Variants in DZIP1 observed in about 807,000 individuals in gnomAD.
DZIP1 encodes DAZ interacting zinc finger protein 1, also known as cilium assembly protein DZIP1.
A neutral mutation model predicts 107.6 loss-of-function variants in DZIP1; 97 were observed. The ratio of observed to expected loss-of-function variants is 0.90; its 90% CI spans 0.77 to 1.07. The LOEUF (loss-of-function observed/expected upper bound fraction) is 1.07. DZIP1 is among the 50% of genes least tolerant of loss of function. The pLI is 0.00. For missense variants in DZIP1, 1,035 were observed against 1,063.6 expected (o/e 0.97, Z 0.37); for synonymous variants, 390 against 386.4 (o/e 1.01, Z -0.11).
At chr13:95,643,494 T>C (rs1292140433) in intron 2 of DZIP1, 107 bp downstream of exon 2, 1 of 152,560 alleles carries the variant, frequency 6.6e-6, no homozygotes, top group Non-Finnish European at 1.5e-5. Flanking sequence ...AAGACATAAA[T>C]AGTTTCAAAG....
chr13:95,621,365 G>A (rs1310893181), intron 9 of DZIP1, among the ~76,000 whole-genome samples: 1 of 152,184 alleles, frequency 6.6e-6, no homozygotes, highest in African/African-American at 2.4e-5. Flanking sequence ...CCGGAATAAG[G>A]GTCACTGAAG....
At chr13:95,602,513 G>A (rs924750588) in intron 14 of DZIP1, among the ~76,000 whole-genome samples, 1 of 152,198 alleles carries the variant, frequency 6.6e-6, no homozygotes, top group African/African-American at 2.4e-5. Context: ...CTATATCTCT[G>A]TCATGCAGGA....
chr13:95,641,297 G>A lies in DZIP1; in HGVS notation c.595C>T (p.Gln199Ter), dbSNP rs200519438. 1.3e-5 allele frequency: 21 copies of A among 1,578,806 alleles called. No homozygotes were observed. Among genetic ancestry groups the A allele is most frequent in the Non-Finnish European group, 1.8e-5 (21 of 1,156,666 alleles). Residue 199 changes from glutamine to a stop codon, truncating the protein, a stop_gained and splice_region_variant, in exon 5 of 23, where the codon CAG becomes TAG. Transcript: ENST00000376829. LOFTEE classifies it high-confidence loss of function. The surrounding 1 kb of genome is among the most constrained non-coding windows in gnomAD (Gnocchi z 4.3). Reference sequence around the variant, plus strand: ...CGTGCTCACACACAGCTGCCCACCTGGTAATAGTTGGCTTTGGCCTCGATC... The same window carrying A: ...CGTGCTCACACACAGCTGCCCACCTAGTAATAGTTGGCTTTGGCCTCGATC... ...LMIEAKANYYQCHFCDKAFMN... is the reference protein window; with the variant it reads ...LMIEAKANYY
chr13:95,627,902 G>A (rs912583487), intron 7 of DZIP1, among the ~76,000 whole-genome samples: 3 of 152,160 alleles, frequency 2.0e-5, no homozygotes, highest in Non-Finnish European at 2.9e-5. Context: ...TTCAATGGAT[G>A]ACTGGATAAA....
At chr13:95,621,535 C>T (rs944141384) in intron 9 of DZIP1, among the ~76,000 whole-genome samples, 4 of 152,028 alleles carry the variant, frequency 2.6e-5, no homozygotes, top group African/African-American at 9.7e-5. Flanking sequence ...AAAAAAGAAT[C>T]CTGAATTCAT....
intron 13 of DZIP1, among the ~76,000 whole-genome samples, chr13:95,607,600 G>A (rs2044822483): frequency 6.6e-6 from 1 of 152,122 alleles, no homozygotes; most frequent in Admixed American, 6.6e-5. Context: ...CACTACAATG[G>A]CAGAGGTGAG....
At chr13:95,586,283 T>C (rs2138768012) in intron 20 of DZIP1, 147 bp from the exon 21 acceptor site, 1 of 634,376 alleles carries the variant, frequency 1.6e-6, no homozygotes, top group Non-Finnish European at 2.4e-6. Context: ...TGATGTACTT[T>C]GGGGTTAGAA....
In DZIP1 at chr13:95,638,415, G is replaced by A. The variant is rs977831184; in HGVS notation, c.597+2880C>T. Reference sequence around the variant, plus strand: ...TAACCTGAGTTAAATCTAAGAGGTGGGTATATGGTATGTCTTACATTAGTC... The same window carrying A: ...TAACCTGAGTTAAATCTAAGAGGTGAGTATATGGTATGTCTTACATTAGTC... On this transcript the variant is annotated intron_variant, in intron 5 of 22. Transcript: ENST00000376829. Among the ~76,000 whole-genome samples, 9 of 151,704 alleles carry A rather than the reference G, an allele frequency of 5.9e-5. No individual in the cohort carries two copies. The East Asian group carries it at 1.7e-3, about 29-fold the overall frequency.
At chr13:95,590,501 A>G in intron 16 of DZIP1, 60 bp from the exon 17 acceptor site, 2 of 1,504,488 alleles carry the variant, frequency 1.3e-6, no homozygotes, top group Non-Finnish European at 1.8e-6. Context: ...TCATGGGCAT[A>G]TATCAGCATT....
chr13:95,628,678 A>T (rs925164961), intron 7 of DZIP1, among the ~76,000 whole-genome samples: 1 of 152,244 alleles, frequency 6.6e-6, no homozygotes, highest in East Asian at 1.9e-4. Flanking sequence ...ACATACATAT[A>T]CCATGAACTA....
Position 95,586,107 on chromosome 13 carries a change from C to CT in DZIP1, c.2247dup (p.Val750SerfsTer2). On this transcript the variant is annotated frameshift_variant, in exon 21 of 23. Transcript: ENST00000376829. LOFTEE classifies it high-confidence loss of function. Reference sequence around the variant, plus strand: ...TTGCGATGTGGAAACATCTTTTCAACTTTTTCAGTAGGTGTTTTAACGGCG... The same window carrying CT: ...TTGCGATGTGGAAACATCTTTTCAACTTTTTTCAGTAGGTGTTTTAACGGCG... The CT allele has an allele frequency of 1.2e-6, 2 of 1,611,242 alleles. No homozygotes were observed. The highest frequency in any genetic ancestry group is 1.7e-6 in the Non-Finnish European group (2 of 1,179,132).
chr13:95,584,754 T>G lies in DZIP1; in HGVS notation c.2506A>C (p.Lys836Gln), dbSNP rs1490662255. ...VLNAWGAFNPKGPKGEGLQEN... is the reference protein window; with the variant it reads ...VLNAWGAFNPQGPKGEGLQEN... ...AGCAAACCTTCTCCCTTTGGCCCCT[T>G]AGGATTAAATGCGCCCCAGGCATTT... Residue 836 changes from lysine to glutamine, a missense_variant, in exon 22 of 23, where the codon AAG (lysine) becomes CAG (glutamine). Transcript: ENST00000376829. The G allele has an allele frequency of 1.2e-6, 2 of 1,613,618 alleles. No homozygotes were observed. The highest frequency in any genetic ancestry group is 1.7e-5 in the Admixed American group (1 of 59,980).
At chr13:95,622,602 C>G in intron 8 of DZIP1, 122 bp from the exon 9 acceptor site, 1 of 1,013,028 alleles carries the variant, frequency 9.9e-7, no homozygotes, top group Non-Finnish European at 1.5e-6. Context: ...CGCTCCTGGA[C>G]GCTCTTGGAC....
rs2044190285 is a variant in DZIP1 at position 95,587,444 on chromosome 13, C to A, written c.2218+95G>T. 39 of 1,509,464 alleles carry A rather than the reference C, an allele frequency of 2.6e-5. No individual in the cohort carries two copies. In the South Asian group the frequency reaches 3.9e-4, roughly 15 times the overall value. The allele number at this position is 1,509,464 out of a possible 1,614,324, so 93.5% of individuals were successfully genotyped here. ...ATCCGCTGCATCTGTTCCTTGCACACCCTCCCAGCTCAGACTCCCAGTGCT... is the reference window on the plus strand; with the variant it reads ...ATCCGCTGCATCTGTTCCTTGCACAACCTCCCAGCTCAGACTCCCAGTGCT... On this transcript the variant is annotated intron_variant, in intron 20 of 22. Transcript: ENST00000376829.
intron 6 of DZIP1, among the ~76,000 whole-genome samples, chr13:95,632,916 T>C (rs983683240): frequency 6.6e-6 from 1 of 152,206 alleles, no homozygotes; most frequent in Non-Finnish European, 1.5e-5. Flanking sequence ...ATGATCTTCA[T>C]CGCATTTGCC....
chr13:95,624,660 G>T, intron 8 of DZIP1, 108 bp downstream of exon 8: 1 of 968,564 alleles, frequency 1.0e-6, no homozygotes, highest in Non-Finnish European at 1.6e-6. Context: ...AAGAATGTCT[G>T]CACGAGGGTA....
Position 95,630,066 on chromosome 13 carries a change from C to A in DZIP1, c.733G>T (p.Val245Leu), listed in dbSNP as rs200033665. 1.9e-6 allele frequency: 3 copies of A among 1,613,784 alleles called. No homozygotes were observed. Among genetic ancestry groups the A allele is most frequent in the Non-Finnish European group, 2.5e-6 (3 of 1,179,834 alleles). Reference protein sequence around the residue: ...QIEKLRSEIVVLKEELQLTRS... With the variant: ...QIEKLRSEIVLLKEELQLTRS... ...GTGAGCTGCAGCTCTTCCTTCAATA[C>A]GACGATCTCACTCCGGAGCTTCTCA... is the stretch of plus-strand genomic sequence containing the variant. The change falls in exon 7 of 23, where the codon GTA (valine) becomes TTA (leucine). Residue 245 changes from valine (V) to leucine (L), a missense_variant. By Grantham distance (32) the Val-to-Leu change is conservative (BLOSUM62 1). Transcript: ENST00000376829.
intron 14 of DZIP1, among the ~76,000 whole-genome samples, chr13:95,600,436 G>A (rs938652457): frequency 6.6e-6 from 1 of 152,150 alleles, no homozygotes; most frequent in Non-Finnish European, 1.5e-5. Flanking sequence ...TGCTCACCAG[G>A]AGGCTGGGCA....
chr13:95,586,592 T>C (rs1452799823), intron 20 of DZIP1, among the ~76,000 whole-genome samples: 2 of 151,994 alleles, frequency 1.3e-5, no homozygotes, highest in Admixed American at 1.3e-4. Flanking sequence ...GAGTGGAATA[T>C]TCATATGGGT....
Sources: allele counts gnomAD v4.1 joint callset (sites outside exome capture counted in the v4.1 genomes callset), GRCh38; gene constraint gnomAD v4.1.1; non-coding constraint Gnocchi (gnomAD v3.1); transcripts MANE v1.5; gene names NCBI Gene and HGNC (gene_info 2026-07-23, HGNC 2026-07-21).